The following FAM177A1 variants were observed in gnomAD, a reference collection of about 807,000 sequenced individuals.
The protein encoded by FAM177A1 is protein FAM177A1.
FAM177A1 carries 22 observed loss-of-function variants against 26.1 expected under a neutral mutation model. The ratio of observed to expected loss-of-function variants is 0.84; its 90% CI spans 0.60 to 1.20. FAM177A1 has a LOEUF of 1.20. Among genes scored for constraint, FAM177A1 ranks in the 50% most tolerant of loss-of-function variants. FAM177A1 has a pLI of 0.00. For missense variants in FAM177A1, 296 were observed against 291.1 expected (o/e 1.02, Z -0.12); for synonymous variants, 95 against 99.3 (o/e 0.96, Z 0.26).
intron 2 of FAM177A1, among the ~76,000 whole-genome samples, chr14:35,058,194 C>G (rs1212229459): frequency 6.6e-6 from 1 of 152,092 alleles, no homozygotes; most frequent in Non-Finnish European, 1.5e-5. Flanking sequence ...ATGCTTCAGC[C>G]TCCCATGTAG....
At chr14:35,048,940 G>C (rs1278536231) in intron 1 of FAM177A1, among the ~76,000 whole-genome samples, 1 of 151,080 alleles carries the variant, frequency 6.6e-6, no homozygotes, top group Non-Finnish European at 1.5e-5. Flanking sequence ...GCCCAGGCTG[G>C]AGTGCAGTGG....
chr14:35,046,927 G>A (rs1161100335), intron 1 of FAM177A1: 1 of 1,183,306 alleles, frequency 8.5e-7, no homozygotes, highest in Non-Finnish European at 1.0e-6. Context: ...GTCCCCCAAA[G>A]GCTGTCCTTG....
At chr14:35,053,851 G>A (rs1355428739) in intron 2 of FAM177A1, among the ~76,000 whole-genome samples, 1 of 152,114 alleles carries the variant, frequency 6.6e-6, no homozygotes, top group African/African-American at 2.4e-5. Context: ...AAATTAGCTG[G>A]ACGTATTGGT....
intron 2 of FAM177A1, among the ~76,000 whole-genome samples, chr14:35,055,564 G>C (rs949797877): frequency 6.6e-6 from 1 of 151,564 alleles, no homozygotes; most frequent in Admixed American, 6.6e-5. Context: ...CTCCCAAGTA[G>C]CTGGGATTGC....
intron 2 of FAM177A1, among the ~76,000 whole-genome samples, chr14:35,075,885 A>G (rs2045386880): frequency 6.6e-6 from 1 of 152,140 alleles, no homozygotes; most frequent in Non-Finnish European, 1.5e-5. Context: ...ATGCAAATCA[A>G]AATCACATAC....
At position 35,059,004 on chromosome 14, in the gene FAM177A1, C is replaced by T. The variant is rs574666887; in HGVS notation, c.339+5553C>T. Among the ~76,000 whole-genome samples the T allele has an allele frequency of 3.9e-5, 6 of 152,118 alleles. No individual in the cohort carries two copies. In the South Asian group the frequency reaches 1.2e-3, roughly 32 times the overall value. On this transcript the variant is annotated intron_variant, in intron 2 of 4. Coordinates refer to ENST00000280987, the MANE Select transcript of FAM177A1 (RefSeq NM_173607.5). ...AGGCTGGACTGCAGTGGCATGATCT[C>T]GGCTCACTGCAAGCTCCGCCTCCCG...
intron 2 of FAM177A1, among the ~76,000 whole-genome samples, chr14:35,064,047 CAA>C (rs575915029): frequency 1.7e-3 from 132 of 79,306 alleles, no homozygotes; most frequent in East Asian, 2.4e-3. Flanking sequence ...GACTCTGTCT[CAA>C]AAAAAAAAAA....
At position 35,046,284 on chromosome 14, in the gene FAM177A1, G is replaced by A; in HGVS notation, c.-180G>A. 1 of 650,326 alleles carries A rather than the reference G, an allele frequency of 1.5e-6. No individual in the cohort carries two copies. Among genetic ancestry groups the A allele is most frequent in the Non-Finnish European group, 2.3e-6 (1 of 430,558 alleles). The allele number at this position is 650,326 out of a possible 1,614,324, so 40.3% of individuals were successfully genotyped here. A position where few individuals can be genotyped will look rare whatever the true frequency, so the allele number is the denominator to read the frequency against. On this transcript the variant is annotated 5_prime_UTR_variant, in exon 1 of 5. Coordinates refer to ENST00000280987, the MANE Select transcript of FAM177A1 (RefSeq NM_173607.5). ...AGTTGCGCCTCCCAGACTGCAGTTG[G>A]CCAGCTCTCGGGGTGCGGAGCCCGG...
At chr14:35,063,561 A>G (rs879696031) in intron 2 of FAM177A1, among the ~76,000 whole-genome samples, 4 of 151,782 alleles carry the variant, frequency 2.6e-5, no homozygotes, top group Admixed American at 6.6e-5. Context: ...CTGGGCAACA[A>G]GAGTGAAACG....
chr14:35,077,361 A>AG, intron 3 of FAM177A1, 145 bp downstream of exon 3: 2 of 699,262 alleles, frequency 2.9e-6, no homozygotes, highest in Non-Finnish European at 5.1e-6. Context: ...ATTGGGAGAT[A>AG]GTAACCTAAC....
At position 35,046,525 on chromosome 14, in the gene FAM177A1, C is replaced by T; in HGVS notation, c.62C>T (p.Ala21Val). ...ACCAGCGCCAGCAGCCCTGTGGTGG[C>T]GACGACGATGGACCAGGAGCCAGTG... ...FLTSASSPVVATTMDQEPVGG... is the reference protein window; with the variant it reads ...FLTSASSPVVVTTMDQEPVGG... The change falls in exon 1 of 5, where the codon GCG (alanine) becomes GTG (valine). Residue 21 changes from alanine (A) to valine (V), a missense_variant. Coordinates refer to ENST00000280987, the MANE Select transcript of FAM177A1 (RefSeq NM_173607.5). 2 of 1,603,064 alleles carry T rather than the reference C, an allele frequency of 1.2e-6. No homozygotes were observed. Among genetic ancestry groups the T allele is most frequent in the South Asian group, 1.1e-5 (1 of 89,110 alleles).
At chr14:35,074,903 G>A (rs2045372121) in intron 2 of FAM177A1, among the ~76,000 whole-genome samples, 1 of 151,820 alleles carries the variant, frequency 6.6e-6, no homozygotes, top group Admixed American at 6.6e-5. Context: ...TTGTGCAATT[G>A]GTGCACGTCT....
rs746133319 is a variant in FAM177A1, at chr14:35,070,114, C to CAAAAAAAAAA, written c.340-7009_340-7000dup. Among the ~76,000 whole-genome samples, 30 of 53,854 alleles carry CAAAAAAAAAA rather than the reference C, an allele frequency of 5.6e-4. 2 individuals are homozygous for CAAAAAAAAAA. Among genetic ancestry groups the CAAAAAAAAAA allele is most frequent in the Non-Finnish European group, 7.4e-4 (23 of 31,134 alleles). 35.3% of individuals were successfully genotyped at this position (53,854 alleles called of 152,430 possible). ...TGGGCGACAGAGTGAGACTCTGTCT[C>CAAAAAAAAAA]AAAAAAAAAAAAAAAAAAAAAAAAA... On this transcript the variant is annotated intron_variant, in intron 2 of 4. Transcript: ENST00000280987.
At chr14:35,057,717 T>C (rs1014933275) in intron 2 of FAM177A1, among the ~76,000 whole-genome samples, 1 of 152,112 alleles carries the variant, frequency 6.6e-6, no homozygotes, top group African/African-American at 2.4e-5. Context: ...TTCTTTTTTT[T>C]CCTTTTGGTT....
In FAM177A1 at chr14:35,078,850, T is replaced by C. The variant is rs980751474; in HGVS notation, c.407-77T>C. On this transcript the variant is annotated intron_variant, in intron 3 of 4. Coordinates refer to ENST00000280987, the MANE Select transcript of FAM177A1 (RefSeq NM_173607.5). Reference sequence around the variant, plus strand: ...GCAGGAACAGTAACTCTTGTATTCCTACAGTGTCTTACACATAGAAAGTGC... The same window carrying C: ...GCAGGAACAGTAACTCTTGTATTCCCACAGTGTCTTACACATAGAAAGTGC... The C allele has an allele frequency of 2.9e-5, 28 of 962,204 alleles. No homozygotes were observed. The African/African-American group carries it at 4.0e-4, about 14-fold the overall frequency. The allele number at this position is 962,204 out of a possible 1,614,324, so 59.6% of individuals were successfully genotyped here.
At chr14:35,058,981 G>A (rs1355811411) in intron 2 of FAM177A1, among the ~76,000 whole-genome samples, 2 of 152,146 alleles carry the variant, frequency 1.3e-5, no homozygotes, top group African/African-American at 4.8e-5. Flanking sequence ...TGTCGCCCAG[G>A]CTGGACTGCA....
chr14:35,071,558 G>T (rs17595975), intron 2 of FAM177A1, among the ~76,000 whole-genome samples: 10,687 of 150,902 alleles, frequency 0.071, 492 homozygotes, highest in Non-Finnish European at 0.11. Flanking sequence ...TCTTTTTTTT[G>T]ATTCAATCAA....
chr14:35,053,246 A>C (rs1357501256), intron 1 of FAM177A1, 32 bp from the exon 2 acceptor site: 1 of 1,573,284 alleles, frequency 6.4e-7, no homozygotes, highest in Non-Finnish European at 8.6e-7. Flanking sequence ...ATCTCACTTG[A>C]AACTCATTTT....
chr14:35,071,412 A>G (rs144086490), intron 2 of FAM177A1, among the ~76,000 whole-genome samples: 1 of 152,290 alleles, frequency 6.6e-6, no homozygotes, highest in Admixed American at 6.5e-5. Flanking sequence ...AGATACTTAT[A>G]TTTTTGGAGG....
Sources: allele counts gnomAD v4.1 joint callset (sites outside exome capture counted in the v4.1 genomes callset), GRCh38; gene constraint gnomAD v4.1.1; transcripts MANE v1.5; gene names NCBI Gene and HGNC (gene_info 2026-07-23, HGNC 2026-07-21).